Variants in BPIFB1 observed in about 807,000 individuals in gnomAD.
BPIFB1 encodes BPI fold containing family B member 1, also known as BPI fold-containing family B member 1.
In BPIFB1, 34 loss-of-function variants were observed where a neutral mutation model predicts 55.1. That is an observed-to-expected ratio of 0.62 (90% CI 0.47 to 0.82). The LOEUF (loss-of-function observed/expected upper bound fraction) is 0.82, where lower values mean the gene tolerates loss of function less well. BPIFB1 is among the 40% of genes least tolerant of loss of function. The pLI is 0.00. For synonymous variants in BPIFB1, 236 were observed against 245.3 expected (o/e 0.96, Z 0.35); for missense variants, 532 against 593.1 (o/e 0.90, Z 1.07).
Position 33,288,704 on chromosome 20 carries a change from C to T in BPIFB1, c.116-37C>T, listed in dbSNP as rs6119363. ...TCCCACCAAGCCTTCCTTCTTGCCC[C>T]TCCTCCTGGGCCCTAATCCCTGGGG... On this transcript the variant is annotated intron_variant, in intron 2 of 15. Transcript: ENST00000253354. The T allele has an allele frequency of 0.015, 23,926 of 1,600,848 alleles. 3,126 individuals are homozygous for T. The African/African-American group carries it at 0.28, about 19-fold the overall frequency.
chr20:33,306,493 G>A (rs1042639526), intron 14 of BPIFB1: 1 of 318,022 alleles, frequency 3.1e-6, no homozygotes, highest in African/African-American at 2.1e-5. Flanking sequence ...ATCAGGAGGT[G>A]CCTGGCACAG....
chr20:33,307,045 C>G, intron 15 of BPIFB1, 58 bp downstream of exon 15: 1 of 1,531,436 alleles, frequency 6.5e-7, no homozygotes, highest in Non-Finnish European at 9.0e-7. Context: ...ACTGAGAGCC[C>G]TGGCTGGGAG....
chr20:33,292,069 G>A (rs1368903297), intron 6 of BPIFB1, 81 bp downstream of exon 6: 2 of 1,248,698 alleles, frequency 1.6e-6, no homozygotes, highest in Non-Finnish European at 2.4e-6. Flanking sequence ...TTGGTGCTAA[G>A]TGACTGGAGT....
At chr20:33,300,789 T>A (rs1488658535) in intron 8 of BPIFB1, among the ~76,000 whole-genome samples, 1 of 152,116 alleles carries the variant, frequency 6.6e-6, no homozygotes, top group Non-Finnish European at 1.5e-5. Context: ...GGTTCCGCCA[T>A]GTTGCCCAGG....
At position 33,304,908 on chromosome 20, in the gene BPIFB1, G is replaced by A. The variant is rs2146535765; in HGVS notation, c.1254+17G>A. ...TGGTTCCAAGTAAGTGTTAACAGGT[G>A]GTGCCTGAGGGCACAGGGGGTGGCC... On this transcript the variant is annotated intron_variant, in intron 13 of 15. Coordinates refer to ENST00000253354, the MANE Select transcript of BPIFB1 (RefSeq NM_033197.3). The A allele has an allele frequency of 6.2e-7, 1 of 1,613,774 alleles. No homozygotes were observed. The highest frequency in any genetic ancestry group is 8.5e-7 in the Non-Finnish European group (1 of 1,179,684).
intron 12 of BPIFB1, among the ~76,000 whole-genome samples, chr20:33,304,251 C>T (rs557370275): frequency 1.6e-4 from 24 of 152,292 alleles, no homozygotes; most frequent in Admixed American, 4.6e-4. Context: ...ACCCTAGCCG[C>T]GGCCAGCCCA....
intron 7 of BPIFB1, 102 bp from the exon 8 acceptor site, chr20:33,299,797 C>T (rs969612130): frequency 6.0e-5 from 43 of 714,176 alleles, no homozygotes; most frequent in African/African-American, 5.1e-4. Context: ...CCCTACCTGC[C>T]CCCCCATGCA....
At chr20:33,286,714 T>C (rs1242008076) in intron 2 of BPIFB1, among the ~76,000 whole-genome samples, 1 of 152,196 alleles carries the variant, frequency 6.6e-6, no homozygotes, top group Non-Finnish European at 1.5e-5. Flanking sequence ...GCTTTATGAA[T>C]GCTATGACCA....
intron 6 of BPIFB1, among the ~76,000 whole-genome samples, chr20:33,295,101 A>C (rs567106078): frequency 6.6e-6 from 1 of 151,950 alleles, no homozygotes; most frequent in East Asian, 1.9e-4. Flanking sequence ...TGTAATCCTA[A>C]CTACTTGGGA....
At chr20:33,288,613 T>A in intron 2 of BPIFB1, 128 bp from the exon 3 acceptor site, 2 of 1,107,168 alleles carry the variant, frequency 1.8e-6, no homozygotes, top group Non-Finnish European at 2.6e-6. Context: ...TCCACCACAG[T>A]AGAGATGGCT....
At chr20:33,285,099 G>A (rs1455056078) in intron 1 of BPIFB1, among the ~76,000 whole-genome samples, 1 of 152,138 alleles carries the variant, frequency 6.6e-6, no homozygotes, top group East Asian at 1.9e-4. Context: ...TGCAGGACAG[G>A]GGAAGCTTTA....
chr20:33,299,141 G>A lies in BPIFB1; in HGVS notation c.662-758G>A, dbSNP rs1487880159. On this transcript the variant is annotated intron_variant, in intron 7 of 15. Coordinates refer to ENST00000253354, the MANE Select transcript of BPIFB1 (RefSeq NM_033197.3). The stretch of plus-strand genomic sequence containing the variant: ...GGAAACAGATTCAGACGCGAGAAGA[G>A]ACCAGCCAAGGTCACTGGGGCTCAA... 8.8e-6 allele frequency: 4 copies of A among 456,586 alleles called. No homozygotes were observed. In the Admixed American group the frequency reaches 9.4e-5, roughly 11 times the overall value. The allele number at this position is 456,586 out of a possible 1,614,324, so 28.3% of individuals were successfully genotyped here. A position where few individuals can be genotyped will look rare whatever the true frequency, so the allele number is the denominator to read the frequency against.
chr20:33,287,073 C>T (rs558000428), intron 2 of BPIFB1, among the ~76,000 whole-genome samples: 1 of 152,292 alleles, frequency 6.6e-6, no homozygotes, highest in South Asian at 2.1e-4. Flanking sequence ...CGGATGGATT[C>T]CCAAGTAAGG....
At chr20:33,295,462 C>T (rs1237144893) in intron 6 of BPIFB1, among the ~76,000 whole-genome samples, 1 of 151,616 alleles carries the variant, frequency 6.6e-6, no homozygotes, top group Non-Finnish European at 1.5e-5. Flanking sequence ...AAAAATTAGC[C>T]AGACATGGTG....
intron 8 of BPIFB1, among the ~76,000 whole-genome samples, chr20:33,300,265 C>A (rs886919508): frequency 6.6e-6 from 1 of 152,162 alleles, no homozygotes; most frequent in Non-Finnish European, 1.5e-5. Flanking sequence ...CCCTGCCAAT[C>A]CCCAAACCTA....
chr20:33,300,070 TAGG>T (rs1980798258), intron 8 of BPIFB1, 86 bp downstream of exon 8: 2 of 1,206,964 alleles, frequency 1.7e-6, no homozygotes, highest in East Asian at 4.7e-5. Context: ...GGGCCTGTGT[TAGG>T]AGAGAAAATC....
intron 7 of BPIFB1, chr20:33,299,047 G>T (rs945155892): frequency 1.2e-5 from 4 of 345,002 alleles, no homozygotes; most frequent in African/African-American, 2.2e-5. Context: ...CATGCTCATC[G>T]TCTCTATGTC....
intron 7 of BPIFB1, chr20:33,299,103 C>CAA (rs1385088045): frequency 2.2e-6 from 1 of 456,498 alleles, no homozygotes; most frequent in East Asian, 7.0e-5. Flanking sequence ...ACTATACCCT[C>CAA]ATTTTAAGAC....
At chr20:33,307,207 C>T in intron 15 of BPIFB1, 1 of 530,476 alleles carries the variant, frequency 1.9e-6, no homozygotes, top group Non-Finnish European at 3.4e-6. Context: ...TTTCCACCCC[C>T]TTGTCATTCA....
Sources: gnomAD v4.1 joint callset for allele counts (sites outside exome capture counted in the v4.1 genomes callset) on GRCh38, gnomAD v4.1.1 for gene constraint, MANE v1.5 for transcripts, NCBI Gene and HGNC (gene_info 2026-07-23, HGNC 2026-07-21) for gene names.